Variants in SAMMSON observed in about 807,000 individuals in gnomAD.
SAMMSON encodes the protein long intergenic non-protein coding RNA 1212.
intron 6 of SAMMSON, among the ~76,000 whole-genome samples, chr3:70,251,061 T>C (rs1296127785): frequency 6.6e-6 from 1 of 152,220 alleles, no homozygotes; most frequent in Non-Finnish European, 1.5e-5. Context: ...TGTACACGGT[T>C]GAATCGTATT....
chr3:70,349,661 G>A (rs1028911930), intron 7 of SAMMSON, among the ~76,000 whole-genome samples: 1 of 152,106 alleles, frequency 6.6e-6, no homozygotes, highest in Admixed American at 6.6e-5. Flanking sequence ...AGAGATGAAG[G>A]TCGGGTTGGG....
chr3:70,195,886 T>C (rs888841468), intron 4 of SAMMSON, among the ~76,000 whole-genome samples: 4 of 152,174 alleles, frequency 2.6e-5, no homozygotes, highest in Admixed American at 6.5e-5. Flanking sequence ...TTCCAGTCTA[T>C]ATCACATCTT....
intron 4 of SAMMSON, among the ~76,000 whole-genome samples, chr3:70,193,702 G>A (rs1443346153): frequency 6.6e-6 from 1 of 152,154 alleles, no homozygotes; most frequent in Admixed American, 6.5e-5. Flanking sequence ...AGTTTGTGTG[G>A]ACTGAGGGAA....
chr3:70,070,132 T>TA (rs1430683728), intron 3 of SAMMSON: 1 of 152,042 alleles, frequency 6.6e-6, no homozygotes, highest in Admixed American at 6.6e-5. Flanking sequence ...AAGTAATTCT[T>TA]AAAAAATCTT....
intron 3 of SAMMSON, among the ~76,000 whole-genome samples, chr3:70,047,440 G>A (rs2067131206): frequency 6.6e-6 from 1 of 151,164 alleles, no homozygotes; most frequent in Non-Finnish European, 1.5e-5. Flanking sequence ...GGGTTCAAGC[G>A]ATTCTCCTGC....
chr3:70,169,337 A>T (rs2067651836), intron 4 of SAMMSON, among the ~76,000 whole-genome samples: 1 of 152,036 alleles, frequency 6.6e-6, no homozygotes, highest in Non-Finnish European at 1.5e-5. Flanking sequence ...TCAGGATATC[A>T]AAAAAGCATA....
At chr3:70,234,345 T>C (rs1285794045) in intron 4 of SAMMSON, among the ~76,000 whole-genome samples, 1 of 152,172 alleles carries the variant, frequency 6.6e-6, no homozygotes, top group African/African-American at 2.4e-5. Context: ...AAGCAAACAG[T>C]ACTGATAAAA....
chr3:70,413,121 C>T (rs2106769805), intron 2 of SAMMSON, among the ~76,000 whole-genome samples: 1 of 152,128 alleles, frequency 6.6e-6, no homozygotes, highest in African/African-American at 2.4e-5. Context: ...CAATACCAAA[C>T]AAGTGAAGGA....
At chr3:70,116,295 T>TTTTTTTC (rs2067410962) in intron 4 of SAMMSON, among the ~76,000 whole-genome samples, 1 of 150,076 alleles carries the variant, frequency 6.7e-6, no homozygotes, top group African/African-American at 2.4e-5. Context: ...ATGCTTTCTT[T>TTTTTTTC]TTTTTTTTTT....
chr3:70,014,949 C>G (rs1340637054), intron 3 of SAMMSON: 1 of 152,096 alleles, frequency 6.6e-6, no homozygotes, highest in Non-Finnish European at 1.5e-5. Flanking sequence ...TGTTACCAAT[C>G]AACATAAGTT....
chr3:70,267,102 G>C (rs1701922905), intron 6 of SAMMSON, among the ~76,000 whole-genome samples: 1 of 152,148 alleles, frequency 6.6e-6, no homozygotes, highest in Non-Finnish European at 1.5e-5. Context: ...TTGCTAGCTG[G>C]GGAGGGGGTG....
At chr3:70,023,430 C>T (rs571440738) in intron 3 of SAMMSON, among the ~76,000 whole-genome samples, 45 of 151,444 alleles carry the variant, frequency 3.0e-4, no homozygotes, top group African/African-American at 1.0e-3. Flanking sequence ...CAGTGCACTC[C>T]AGCCTGGGTG....
rs961573289 is a variant in SAMMSON, at chr3:70,011,605, T to G, written n.23-752T>G. Among the ~76,000 whole-genome samples the G allele has an allele frequency of 3.9e-3, 538 of 138,038 alleles. 2 individuals are homozygous for G. The highest frequency in any genetic ancestry group is 0.013 in the African/African-American group (482 of 37,750). 90.6% of individuals were successfully genotyped at this position (138,038 alleles called of 152,430 possible). The stretch of plus-strand genomic sequence containing the variant: ...TGTGAGACTGAAATGAAGAGTTTAC[T>G]TTTTTTTTTTTTTTTACTATGGAAG... On this transcript the variant is annotated intron_variant and non_coding_transcript_variant, in intron 1 of 9. Transcript: ENST00000642114.
rs139149643 is a variant in SAMMSON, at chr3:70,417,013, T to A, written n.234-45547T>A. 3.7e-3 allele frequency among the ~76,000 whole-genome samples: 559 copies of A among 152,050 alleles called. 3 individuals carry two copies. Among genetic ancestry groups the A allele is most frequent in the African/African-American group, 0.013 (538 of 41,450 alleles). ...TCCCCTCCAACTTCCATGACAGACA[T>A]CACTAATCAGCTAAGACCGCTTTTC... On this transcript the variant is annotated intron_variant and non_coding_transcript_variant, in intron 2 of 3. Coordinates refer to the SAMMSON transcript ENST00000641053.
chr3:70,068,802 G>A (rs2067219319), intron 3 of SAMMSON: 2 of 152,052 alleles, frequency 1.3e-5, no homozygotes, highest in Admixed American at 1.3e-4. Context: ...GCTATGTCCT[G>A]AATACAATAT....
At chr3:70,299,059 A>G (rs1702319348) in intron 7 of SAMMSON, among the ~76,000 whole-genome samples, 1 of 152,152 alleles carries the variant, frequency 6.6e-6, no homozygotes, top group African/African-American at 2.4e-5. Context: ...TAGCCAGATT[A>G]TAAGGAGATA....
At chr3:70,188,200 G>A (rs528377058) in intron 4 of SAMMSON, among the ~76,000 whole-genome samples, 2 of 152,164 alleles carry the variant, frequency 1.3e-5, no homozygotes, top group Non-Finnish European at 2.9e-5. Flanking sequence ...AAGACATGGG[G>A]TTTGAAGTCA....
At chr3:70,395,844 A>G (rs1701088023) in intron 2 of SAMMSON, among the ~76,000 whole-genome samples, 1 of 152,112 alleles carries the variant, frequency 6.6e-6, no homozygotes, top group African/African-American at 2.4e-5. Context: ...GTGCTTCATG[A>G]AGAGATTGCA....
At chr3:70,339,037 C>G (rs968070657) in intron 7 of SAMMSON, among the ~76,000 whole-genome samples, 3 of 152,150 alleles carry the variant, frequency 2.0e-5, no homozygotes, top group Non-Finnish European at 4.4e-5. Flanking sequence ...CAGCATGCTA[C>G]TGGTACCAAA....
Sources: gnomAD v4.1 joint callset for allele counts (sites outside exome capture counted in the v4.1 genomes callset) on GRCh38, gnomAD v4.1.1 for gene constraint, MANE v1.5 for transcripts, NCBI Gene and HGNC (gene_info 2026-07-23, HGNC 2026-07-21) for gene names.